ZSCAN1: variants seen among roughly 807,000 people sequenced by gnomAD.
ZSCAN1 encodes the protein zinc finger and SCAN domain-containing protein 1.
In ZSCAN1, 23 loss-of-function variants were observed where a neutral mutation model predicts 23.8. The observed-to-expected ratio is 0.97, with a 90% confidence interval of 0.70 to 1.37. The LOEUF (loss-of-function observed/expected upper bound fraction) is 1.37, where lower values mean the gene tolerates loss of function less well. ZSCAN1 is among the 40% of genes most tolerant of loss of function. ZSCAN1 has a pLI of 0.00. For synonymous variants in ZSCAN1, 236 were observed against 232.3 expected, an observed-to-expected ratio of 1.02 and a Z score of -0.15; for missense variants, 575 against 554.0, an observed-to-expected ratio of 1.04 and a Z score of -0.38.
chr19:58,039,845 G>GT (rs1285169480), intron 3 of ZSCAN1, among the ~76,000 whole-genome samples: 2 of 149,388 alleles, frequency 1.3e-5, no homozygotes, highest in Non-Finnish European at 3.0e-5. Flanking sequence ...TAGTCCTGTT[G>GT]TCCCCCGCTC....
In ZSCAN1 at chr19:58,038,084, T is replaced by C; in HGVS notation, c.248T>C (p.Leu83Pro). Reference sequence around the variant, plus strand: ...GAGCAGATGCTGGAGCTGCTGGTGCTGGAGCAGTTCCTGGGCGCGCTGCCC... The same window carrying C: ...GAGCAGATGCTGGAGCTGCTGGTGCCGGAGCAGTTCCTGGGCGCGCTGCCC... The part of the protein sequence containing the change: ...SKEQMLELLV[L>P]EQFLGALPSK... The change falls in exon 3 of 6, where the codon CTG becomes CCG. Residue 83 changes from leucine (L) to proline (P), a missense_variant. Leu to Pro is a moderately conservative substitution (Grantham distance 98). Coordinates refer to ENST00000282326, the MANE Select transcript of ZSCAN1 (RefSeq NM_182572.4). 1 of 1,611,644 alleles carries C rather than the reference T, an allele frequency of 6.2e-7. No homozygotes were observed. The highest frequency in any genetic ancestry group is 8.5e-7 in the Non-Finnish European group (1 of 1,179,842).
intron 4 of ZSCAN1, among the ~76,000 whole-genome samples, chr19:58,041,712 T>C (rs2073790831): frequency 3.2e-5 from 1 of 31,576 alleles, no homozygotes; most frequent in Non-Finnish European, 8.0e-5. Context: ...CAAGACCCCA[T>C]GTCTTAAAAA....
intron 4 of ZSCAN1, chr19:58,044,577 C>CGCCCGGACACA: frequency 2.6e-6 from 2 of 784,068 alleles, no homozygotes; most frequent in Non-Finnish European, 4.0e-6. Flanking sequence ...GCGGCCGCCA[C>CGCCCGGACACA]GCCCGGACAC....
intron 4 of ZSCAN1, among the ~76,000 whole-genome samples, chr19:58,041,863 G>GAGACCCTAAC (rs1440023366): frequency 6.6e-6 from 1 of 152,026 alleles, no homozygotes; most frequent in East Asian, 1.9e-4. Flanking sequence ...ATGACAGAGT[G>GAGACCCTAAC]AGACCCTAAC....
At position 58,040,589 on chromosome 19, in the gene ZSCAN1, T is replaced by C. The variant is rs748860418; in HGVS notation, c.465+45T>C. The C allele has an allele frequency of 6.9e-6, 11 of 1,586,130 alleles. No individual in the cohort carries two copies. Among genetic ancestry groups the C allele is most frequent in the Non-Finnish European group, 9.5e-6 (11 of 1,156,222 alleles). ...CTCCGTGCTCCTGCACCCCAGGGCA[T>C]GCGTGCCGCTTCTGGGACGGCCTCA... On this transcript the variant is annotated intron_variant, in intron 4 of 5. Transcript: ENST00000282326. This position sits in a 1 kb window ranked among gnomAD's most constrained non-coding sequence, Gnocchi z 5.8.
At chr19:58,052,048 C>T (rs1476992457) in intron 4 of ZSCAN1, among the ~76,000 whole-genome samples, 1 of 152,230 alleles carries the variant, frequency 6.6e-6, no homozygotes, top group East Asian at 1.9e-4. Flanking sequence ...AAGGACAGTG[C>T]AGCCTTGGGG....
At chr19:58,046,253 G>A (rs1249754238) in intron 4 of ZSCAN1, 2 of 777,192 alleles carry the variant, frequency 2.6e-6, no homozygotes, top group Non-Finnish European at 4.8e-6. Flanking sequence ...TCACTCACCA[G>A]GAAGAAGGAG....
At chr19:58,034,721 C>T (rs991817895) in intron 1 of ZSCAN1, among the ~76,000 whole-genome samples, 15 of 136,664 alleles carry the variant, frequency 1.1e-4, no homozygotes, top group African/African-American at 3.9e-4. Flanking sequence ...CCTGAACAGC[C>T]GCCCCCGACC....
rs755864408 is a variant in ZSCAN1, at chr19:58,053,988, C to T, written c.1164C>T (p.Ala388=). The change falls in exon 6 of 6, where the codon GCC becomes GCT. Residue 388 remains alanine (A), a synonymous_variant. Coordinates refer to ENST00000282326, the MANE Select transcript of ZSCAN1 (RefSeq NM_182572.4). This position sits in a 1 kb window ranked among gnomAD's most constrained non-coding sequence, Gnocchi z 5.8. ...TCCAGTGTAGCGTCTGCGGGAAGGCCTTCCCCTGGATGGTCCACCTCATTG... is the reference window on the plus strand; with the variant it reads ...TCCAGTGTAGCGTCTGCGGGAAGGCTTTCCCCTGGATGGTCCACCTCATTG... The part of the protein sequence containing the change: ...RPFQCSVCGK[A]FPWMVHLIDH... 2 of 1,588,440 alleles carry T rather than the reference C, an allele frequency of 1.3e-6. No homozygotes were observed. Among genetic ancestry groups the T allele is most frequent in the Non-Finnish European group, 8.6e-7 (1 of 1,166,222 alleles).
Position 58,053,418 on chromosome 19 carries a change from G to T in ZSCAN1, c.605-11G>T, listed in dbSNP as rs746289719. 6.2e-7 allele frequency: 1 copy of T among 1,600,650 alleles called. No homozygotes were observed. Among genetic ancestry groups the T allele is most frequent in the African/African-American group, 1.3e-5 (1 of 74,770 alleles). On this transcript the variant is annotated splice_polypyrimidine_tract_variant and intron_variant, in intron 5 of 5. Coordinates refer to ENST00000282326, the MANE Select transcript of ZSCAN1 (RefSeq NM_182572.4). This position sits in a 1 kb window ranked among gnomAD's most constrained non-coding sequence, Gnocchi z 5.8. ...TCACTACAGGTGACCCATCTCCCTC[G>T]CCCTCCACAGGGTCCCGGGCCCGCT...
chr19:58,038,025 C>T lies in ZSCAN1; in HGVS notation c.189C>T (p.Cys63=). 1 of 1,611,258 alleles carries T rather than the reference C, an allele frequency of 6.2e-7. No individual in the cohort carries two copies. Among genetic ancestry groups the T allele is most frequent in the Middle Eastern group, 1.7e-4 (1 of 6,002 alleles). The part of the protein sequence containing the change: ...HLALGQLWTL[C]RQWLRPEARS... The stretch of plus-strand genomic sequence containing the variant: ...CGCTGGGCCAGCTCTGGACGCTGTG[C>T]CGCCAGTGGCTGAGGCCCGAGGCGC... Residue 63 remains cysteine, a synonymous_variant, in exon 3 of 6, where the codon TGC becomes TGT. Transcript: ENST00000282326.
chr19:58,040,331 C>A lies in ZSCAN1; in HGVS notation c.371-119C>A. 1 of 1,023,030 alleles carries A rather than the reference C, an allele frequency of 9.8e-7. No individual in the cohort carries two copies. The highest frequency in any genetic ancestry group is 1.5e-6 in the Non-Finnish European group (1 of 675,074). The allele number at this position is 1,023,030 out of a possible 1,614,324, so 63.4% of individuals were successfully genotyped here. ...AATGACAGCCCTGCAGCCACTCTTG[C>A]CTGCGCCTCAGGGGTGCTGCAGGGA... On this transcript the variant is annotated intron_variant, in intron 3 of 5. Transcript: ENST00000282326. This position sits in a 1 kb window ranked among gnomAD's most constrained non-coding sequence, Gnocchi z 5.8.
rs1188537833 is a variant in ZSCAN1 at position 58,053,146 on chromosome 19, A to G, written c.605-283A>G. ...AGCTAATTTTTGTATTTTAGTAGAG[A>G]CGGGGTTTCACCATGTTGGTCAGGC... is the stretch of plus-strand genomic sequence containing the variant. On this transcript the variant is annotated intron_variant, in intron 5 of 5. Transcript: ENST00000282326. This position sits in a 1 kb window ranked among gnomAD's most constrained non-coding sequence, Gnocchi z 5.8. 6.6e-6 allele frequency among the ~76,000 whole-genome samples: 1 copy of G among 151,872 alleles called. No homozygotes were observed. Among genetic ancestry groups the G allele is most frequent in the African/African-American group, 2.4e-5 (1 of 41,342 alleles).
In ZSCAN1 at chr19:58,045,103, T is replaced by G. The variant is rs1353434196; in HGVS notation, c.465+4559T>G. ...TACCATGGCTTCCGCCTGCTACGGA[T>G]CCACACCAAGATCGCAGCACGCATG... is the stretch of plus-strand genomic sequence containing the variant. On this transcript the variant is annotated intron_variant, in intron 4 of 5. Coordinates refer to ENST00000282326, the MANE Select transcript of ZSCAN1 (RefSeq NM_182572.4). The surrounding 1 kb of genome is among the most constrained non-coding windows in gnomAD (Gnocchi z 4.3). 2 of 1,244,952 alleles carry G rather than the reference T, an allele frequency of 1.6e-6. No homozygotes were observed. Among genetic ancestry groups the G allele is most frequent in the East Asian group, 2.3e-5 (1 of 42,826 alleles). The allele number at this position is 1,244,952 out of a possible 1,614,324, so 77.1% of individuals were successfully genotyped here. A position where few individuals can be genotyped will look rare whatever the true frequency, so the allele number is the denominator to read the frequency against.
Position 58,045,089 on chromosome 19 carries a change from C to G in ZSCAN1, c.465+4545C>G. 1 of 1,221,716 alleles carries G rather than the reference C, an allele frequency of 8.2e-7. No homozygotes were observed. The highest frequency in any genetic ancestry group is 1.2e-5 in the South Asian group (1 of 82,256). The allele number at this position is 1,221,716 out of a possible 1,614,324, so 75.7% of individuals were successfully genotyped here. A position where few individuals can be genotyped will look rare whatever the true frequency, so the allele number is the denominator to read the frequency against. On this transcript the variant is annotated intron_variant, in intron 4 of 5. Coordinates refer to ENST00000282326, the MANE Select transcript of ZSCAN1 (RefSeq NM_182572.4). This position sits in a 1 kb window ranked among gnomAD's most constrained non-coding sequence, Gnocchi z 4.3. ...AGCTGAGGCACTACTACCATGGCTT[C>G]CGCCTGCTACGGATCCACACCAAGA...
rs2073873766 is a variant in ZSCAN1, at chr19:58,053,705, G to A, written c.881G>A (p.Cys294Tyr). 6.2e-7 allele frequency: 1 copy of A among 1,614,006 alleles called. No individual in the cohort carries two copies. The highest frequency in any genetic ancestry group is 1.3e-5 in the African/African-American group (1 of 74,914). ...RGPRGGRPFQ[C>Y]ADCGMVFTWV... Reference sequence around the variant, plus strand: ...CCCCGAGGTGGGCGGCCCTTCCAGTGTGCCGACTGTGGGATGGTCTTCACC... The same window carrying A: ...CCCCGAGGTGGGCGGCCCTTCCAGTATGCCGACTGTGGGATGGTCTTCACC... Residue 294 changes from cysteine to tyrosine, a missense_variant, in exon 6 of 6, where the codon TGT becomes TAT. Coordinates refer to ENST00000282326, the MANE Select transcript of ZSCAN1 (RefSeq NM_182572.4). This position sits in a 1 kb window ranked among gnomAD's most constrained non-coding sequence, Gnocchi z 5.8.
At position 58,054,273 on chromosome 19, in the gene ZSCAN1, G is replaced by C; in HGVS notation, c.*222G>C. 1 of 565,172 alleles carries C rather than the reference G, an allele frequency of 1.8e-6. No individual in the cohort carries two copies. The highest frequency in any genetic ancestry group is 3.0e-6 in the Non-Finnish European group (1 of 330,678). 35.0% of individuals were successfully genotyped at this position (565,172 alleles called of 1,614,324 possible). ...TCAGCTGAGAAGCAGCAGTTCCACA[G>C]CACAGCCTGGTCAGTCCTGCGCACT... On this transcript the variant is annotated 3_prime_UTR_variant, in exon 6 of 6. Transcript: ENST00000282326. The surrounding 1 kb of genome is among the most constrained non-coding windows in gnomAD (Gnocchi z 4.2).
chr19:58,051,732 G>A (rs723669), intron 4 of ZSCAN1, among the ~76,000 whole-genome samples: 21,826 of 152,168 alleles, frequency 0.14, 2,122 homozygotes, highest in Middle Eastern at 0.24. Context: ...CCTTTGACAC[G>A]ACTCCGTTGC....
Position 58,045,579 on chromosome 19 carries a change from C to T in ZSCAN1, c.465+5035C>T, listed in dbSNP as rs1378669659. 1 of 1,125,384 alleles carries T rather than the reference C, an allele frequency of 8.9e-7. No individual in the cohort carries two copies. Among genetic ancestry groups the T allele is most frequent in the Non-Finnish European group, 1.4e-6 (1 of 734,064 alleles). The allele number at this position is 1,125,384 out of a possible 1,614,324, so 69.7% of individuals were successfully genotyped here. On this transcript the variant is annotated intron_variant, in intron 4 of 5. Coordinates refer to ENST00000282326, the MANE Select transcript of ZSCAN1 (RefSeq NM_182572.4). The surrounding 1 kb of genome is among the most constrained non-coding windows in gnomAD (Gnocchi z 4.3). ...GCAGCTGGTGGCCCTGTGCAAGCTG[C>T]TGGAGCTACAGCTTCCTGCGCTTCC... is the stretch of plus-strand genomic sequence containing the variant.
Sources: gnomAD v4.1 joint callset for allele counts (sites outside exome capture counted in the v4.1 genomes callset) on GRCh38, gnomAD v4.1.1 for gene constraint, Gnocchi (gnomAD v3.1) non-coding constraint, MANE v1.5 for transcripts, NCBI Gene and HGNC (gene_info 2026-07-23, HGNC 2026-07-21) for gene names.